Variants in DPPA2 observed in about 807,000 individuals in gnomAD.
The protein encoded by DPPA2 is developmental pluripotency associated 2.
In DPPA2, 26 loss-of-function variants were observed where a neutral mutation model predicts 36.2. The observed-to-expected ratio is 0.72, with a 90% CI of 0.53 to 1.00. The LOEUF is 1.00. Among genes scored for constraint, DPPA2 ranks in the 50% least tolerant of loss-of-function variants. DPPA2 has a pLI of 0.00. For missense variants in DPPA2, 361 were observed against 365.1 expected, an observed-to-expected ratio of 0.99 and a Z score of 0.09; for synonymous variants, 113 against 123.2, an observed-to-expected ratio of 0.92 and a Z score of 0.55.
In DPPA2 at chr3:109,313,473, G is replaced by A. The variant is rs377750000; in HGVS notation, c.34-781C>T. ...AATAAAAGATAAAGTAGAAAAGCAG[G>A]TAGATAGAAAGAAACTAACATTTAC... On this transcript the variant is annotated intron_variant, in intron 2 of 8. Transcript: ENST00000478945. Among the ~76,000 whole-genome samples the A allele has an allele frequency of 4.6e-5, 7 of 152,324 alleles. No homozygotes were observed. In the East Asian group the frequency reaches 1.3e-3, roughly 29 times the overall value.
intron 8 of DPPA2, among the ~76,000 whole-genome samples, chr3:109,297,407 C>T (rs1388397438): frequency 6.6e-6 from 1 of 151,652 alleles, no homozygotes; most frequent in East Asian, 2.0e-4. Context: ...GCCTGTGGTC[C>T]CAGCTACTTG....
intron 8 of DPPA2, among the ~76,000 whole-genome samples, chr3:109,297,265 T>C (rs1707372040): frequency 6.6e-6 from 1 of 152,196 alleles, no homozygotes; most frequent in African/African-American, 2.4e-5. Context: ...GGCTCATGCC[T>C]GTAATCCCAG....
intron 8 of DPPA2, among the ~76,000 whole-genome samples, chr3:109,299,058 AT>A (rs907987496): frequency 6.6e-6 from 1 of 150,470 alleles, no homozygotes; most frequent in African/African-American, 2.5e-5. Flanking sequence ...AAATAAACAA[AT>A]TTTTAAGAAA....
intron 2 of DPPA2, 91 bp from the exon 3 acceptor site, chr3:109,312,783 G>C: frequency 6.8e-7 from 1 of 1,467,106 alleles, no homozygotes; most frequent in Non-Finnish European, 9.3e-7. Flanking sequence ...AAGGAACTGA[G>C]AAGACAGTAG....
At chr3:109,313,603 T>A (rs1166882436) in intron 2 of DPPA2, among the ~76,000 whole-genome samples, 1 of 152,198 alleles carries the variant, frequency 6.6e-6, no homozygotes, top group Non-Finnish European at 1.5e-5. Context: ...GCTTTACAAA[T>A]GAGGAAACTA....
At chr3:109,314,391 G>C (rs1457746858) in intron 2 of DPPA2, 119 bp downstream of exon 2, 9 of 1,048,600 alleles carry the variant, frequency 8.6e-6, no homozygotes, top group Non-Finnish European at 1.2e-5. Context: ...GAGGTTTCAA[G>C]ATGGAGATTT....
At chr3:109,307,729 C>T (rs1184582608) in intron 6 of DPPA2, among the ~76,000 whole-genome samples, 1 of 151,546 alleles carries the variant, frequency 6.6e-6, no homozygotes, top group East Asian at 1.9e-4. Flanking sequence ...TTCACTATGT[C>T]ATAAATGCCT....
intron 7 of DPPA2, among the ~76,000 whole-genome samples, chr3:109,302,738 C>T (rs1235810228): frequency 2.1e-5 from 3 of 141,966 alleles, no homozygotes; most frequent in South Asian, 2.2e-4. Context: ...AGGTGTGAGC[C>T]GATTTAGCCC....
chr3:109,304,155 AGCTGAGACTCGGGAG>A lies in DPPA2; in HGVS notation c.854+305_854+319del, dbSNP rs756642787. ...CGTGGTGGTGCATGCCTGTAATCCC[AGCTGAGACTCGGGAG>A]GCTGAGGCAGGAGAATCGCTTGAAC... On this transcript the variant is annotated intron_variant, in intron 7 of 8. Coordinates refer to ENST00000478945, the MANE Select transcript of DPPA2 (RefSeq NM_138815.4). Among the ~76,000 whole-genome samples, 20 of 152,150 alleles carry A rather than the reference AGCTGAGACTCGGGAG, an allele frequency of 1.3e-4. No homozygotes were observed. In the East Asian group the frequency reaches 3.5e-3, roughly 27 times the overall value.
chr3:109,305,999 G>T (rs1350129576), intron 6 of DPPA2, among the ~76,000 whole-genome samples: 1 of 152,130 alleles, frequency 6.6e-6, no homozygotes, highest in East Asian at 1.9e-4. Context: ...AAGGAGACGG[G>T]ATATTTGCAA....
chr3:109,314,533 C>T lies in DPPA2; in HGVS notation c.10G>A (p.Ala4Thr), dbSNP rs764752372. 2.5e-6 allele frequency: 4 copies of T among 1,609,996 alleles called. No homozygotes were observed. The highest frequency in any genetic ancestry group is 3.3e-4 in the Middle Eastern group (2 of 6,028). Residue 4 changes from alanine (A) to threonine (T), a missense_variant, in exon 2 of 9, where the codon GCA (alanine) becomes ACA (threonine). By Grantham distance (58) the Ala-to-Thr change is moderately conservative. Coordinates refer to ENST00000478945, the MANE Select transcript of DPPA2 (RefSeq NM_138815.4). MSDANLDSSKKNFL... is the reference protein window; with the variant it reads MSDTNLDSSKKNFL... ...ACCTTCTTGCTGCTATCCAAATTTG[C>T]ATCTGACATTTTCAGCAACACCCTG...
rs752139973 is a variant in DPPA2, at chr3:109,308,108, T to C, written c.582A>G (p.Ala194=). 5.5e-5 allele frequency: 88 copies of C among 1,614,118 alleles called. No individual in the cohort carries two copies. The highest frequency in any genetic ancestry group is 7.4e-5 in the Non-Finnish European group (87 of 1,180,064). ...AMLASWARIA[A]RAVQPKALNS... ...TCAAAGCCTTAGGCTGAACAGCTCT[T>C]GCAGCAATTCTTGCCCATGATGCCA... Residue 194 remains alanine (A), a synonymous_variant, in exon 6 of 9, where the codon GCA becomes GCG. Coordinates refer to ENST00000478945, the MANE Select transcript of DPPA2 (RefSeq NM_138815.4).
chr3:109,309,067 A>T lies in DPPA2; in HGVS notation c.355T>A (p.Tyr119Asn). The T allele has an allele frequency of 6.2e-7, 1 of 1,614,200 alleles. No individual in the cohort carries two copies. Among genetic ancestry groups the T allele is most frequent in the South Asian group, 1.1e-5 (1 of 91,082 alleles). ...TAAGCATGCCTATGAAGCCTCAGAT[A>T]AACTTCGATTTTCTTAGGAAATGAA... The part of the protein sequence containing the change: ...LSTNGKKIEV[Y>N]LRLHRHAYPE... The change falls in exon 5 of 9, where the codon TAT (tyrosine) becomes AAT (asparagine). Residue 119 changes from tyrosine (Y) to asparagine (N), a missense_variant. Coordinates refer to ENST00000478945, the MANE Select transcript of DPPA2 (RefSeq NM_138815.4).
chr3:109,309,554 C>G (rs1403787132), intron 3 of DPPA2, among the ~76,000 whole-genome samples: 1 of 151,592 alleles, frequency 6.6e-6, no homozygotes, highest in Non-Finnish European at 1.5e-5. Flanking sequence ...GCCGGGCGTG[C>G]TGGCGGGCGC....
chr3:109,306,385 C>CT (rs1226422893), intron 6 of DPPA2, among the ~76,000 whole-genome samples: 2 of 152,116 alleles, frequency 1.3e-5, no homozygotes, highest in Non-Finnish European at 2.9e-5. Flanking sequence ...TGCCCACTGT[C>CT]CCCACATAAA....
At chr3:109,309,483 C>T (rs1364260900) in intron 3 of DPPA2, among the ~76,000 whole-genome samples, 153 bp from the exon 4 acceptor site, 1 of 150,258 alleles carries the variant, frequency 6.7e-6, no homozygotes, top group Non-Finnish European at 1.5e-5. Flanking sequence ...GTCAGGAGAT[C>T]GAGACCATCC....
intron 3 of DPPA2, among the ~76,000 whole-genome samples, 178 bp from the exon 4 acceptor site, chr3:109,309,508 A>T (rs952615288): frequency 6.6e-6 from 1 of 151,464 alleles, no homozygotes; most frequent in Non-Finnish European, 1.5e-5. Flanking sequence ...TAACATGGTG[A>T]AACCCCGTCT....
At chr3:109,302,453 T>C (rs2107307173) in intron 7 of DPPA2, among the ~76,000 whole-genome samples, 1 of 152,294 alleles carries the variant, frequency 6.6e-6, no homozygotes, top group Admixed American at 6.5e-5. Context: ...CACTTTCTTT[T>C]CTTTTTCTTT....
chr3:109,305,674 T>C (rs1707546241), intron 6 of DPPA2, among the ~76,000 whole-genome samples: 1 of 150,352 alleles, frequency 6.7e-6, no homozygotes, highest in African/African-American at 2.5e-5. Context: ...CTCAGGAGGC[T>C]GAGGCAGGAG....
Sources: allele counts gnomAD v4.1 joint callset (sites outside exome capture counted in the v4.1 genomes callset), GRCh38; gene constraint gnomAD v4.1.1; transcripts MANE v1.5; gene names NCBI Gene and HGNC (gene_info 2026-07-23, HGNC 2026-07-21).